TMEM87B: variants seen among roughly 807,000 people sequenced by gnomAD.
TMEM87B encodes transmembrane protein 87B.
A neutral mutation model predicts 80.3 loss-of-function variants in TMEM87B; 83 were observed. The observed-to-expected ratio is 1.03, with a 90% CI of 0.87 to 1.24. The LOEUF (loss-of-function observed/expected upper bound fraction) is 1.24, where lower values mean the gene tolerates loss of function less well. TMEM87B is among the 50% of genes most tolerant of loss of function. TMEM87B has a pLI of 0.00. For missense variants in TMEM87B, 625 were observed against 674.4 expected (o/e 0.93, Z 0.81); for synonymous variants, 219 against 230.5 (o/e 0.95, Z 0.45).
chr2:112,065,348 C>T (rs1678392549), intron 3 of TMEM87B, among the ~76,000 whole-genome samples: 1 of 151,752 alleles, frequency 6.6e-6, no homozygotes, highest in Non-Finnish European at 1.5e-5. Flanking sequence ...ATATATAAAC[C>T]TTATTAAAAT....
chr2:112,106,090 T>C lies in TMEM87B; in HGVS notation c.1524+15T>C. 2.0e-6 allele frequency: 3 copies of C among 1,506,690 alleles called. No homozygotes were observed. Among genetic ancestry groups the C allele is most frequent in the East Asian group, 2.4e-5 (1 of 40,844 alleles). 93.3% of individuals were successfully genotyped at this position (1,506,690 alleles called of 1,614,324 possible). A position where few individuals can be genotyped will look rare whatever the true frequency, so the allele number is the denominator to read the frequency against. On this transcript the variant is annotated intron_variant, in intron 16 of 18. Coordinates refer to ENST00000283206, the MANE Select transcript of TMEM87B (RefSeq NM_032824.3). The stretch of plus-strand genomic sequence containing the variant: ...CTGAGAACTTTGTGAGTATGGTATA[T>C]ATTTAGTACAATCTTAGTCTTCCTT...
chr2:112,070,204 T>C (rs996268392), intron 4 of TMEM87B, among the ~76,000 whole-genome samples: 1 of 152,232 alleles, frequency 6.6e-6, no homozygotes, highest in Non-Finnish European at 1.5e-5. Context: ...ATTTTTGCTT[T>C]TGTTGCAATT....
chr2:112,076,849 TG>T (rs1678833629), intron 5 of TMEM87B, among the ~76,000 whole-genome samples: 2 of 14,890 alleles, frequency 1.3e-4, no homozygotes, highest in Admixed American at 1.0e-3. Flanking sequence ...GTTTTGTGTG[TG>T]TGTGTGTGTG....
At chr2:112,086,133 G>A (rs1392688393) in intron 9 of TMEM87B, 29 bp downstream of exon 9, 1 of 1,575,116 alleles carries the variant, frequency 6.3e-7, no homozygotes, top group South Asian at 1.1e-5. Flanking sequence ...GAAAAATGCT[G>A]GGTCCCAGCC....
At chr2:112,067,102 T>A in intron 4 of TMEM87B, 35 bp downstream of exon 4, 1 of 1,603,106 alleles carries the variant, frequency 6.2e-7, no homozygotes, top group South Asian at 1.1e-5. Flanking sequence ...AAGTTTATTT[T>A]ATTCCCAGTG....
intron 3 of TMEM87B, among the ~76,000 whole-genome samples, 172 bp downstream of exon 3, chr2:112,064,425 G>A (rs891900917): frequency 1.3e-5 from 2 of 152,218 alleles, no homozygotes; most frequent in African/African-American, 2.4e-5. Flanking sequence ...AGAATACTAC[G>A]AGCTTTTAGT....
rs1680091300 is a variant in TMEM87B, at chr2:112,118,898, G to A, written c.*2755G>A. 6.6e-6 allele frequency: 1 copy of A among 152,054 alleles called. No individual in the cohort carries two copies. The highest frequency in any genetic ancestry group is 2.1e-4 in the South Asian group (1 of 4,824). 9.4% of individuals were successfully genotyped at this position (152,054 alleles called of 1,614,324 possible). ...TGCTATGCTAGATTTATAATCACTA[G>A]TTCTGGTACTTGTGTCTTTGTATGA... is the stretch of plus-strand genomic sequence containing the variant. On this transcript the variant is annotated 3_prime_UTR_variant, in exon 19 of 19. Transcript: ENST00000283206.
chr2:112,096,841 A>G (rs185144319), intron 11 of TMEM87B, among the ~76,000 whole-genome samples: 47 of 152,364 alleles, frequency 3.1e-4, no homozygotes, highest in African/African-American at 1.1e-3. Flanking sequence ...AGTTCAGACA[A>G]TGGTAAATTG....
intron 5 of TMEM87B, among the ~76,000 whole-genome samples, chr2:112,075,721 A>G (rs1400564808): frequency 1.3e-5 from 2 of 152,068 alleles, no homozygotes; most frequent in East Asian, 3.9e-4. Flanking sequence ...CAGGTTTGGG[A>G]GAGCTTAATG....
chr2:112,100,542 A>G (rs1679600730), intron 14 of TMEM87B, 80 bp from the exon 15 acceptor site: 3 of 849,746 alleles, frequency 3.5e-6, no homozygotes, highest in South Asian at 1.8e-5. Flanking sequence ...TAGATTTTTT[A>G]TACAATGGCT....
At chr2:112,065,165 A>G (rs1334102095) in intron 3 of TMEM87B, among the ~76,000 whole-genome samples, 1 of 152,070 alleles carries the variant, frequency 6.6e-6, no homozygotes, top group Non-Finnish European at 1.5e-5. Context: ...TTATATTTCT[A>G]TTTGGATTGA....
intron 9 of TMEM87B, among the ~76,000 whole-genome samples, chr2:112,088,223 G>A (rs1256746533): frequency 6.6e-6 from 1 of 152,218 alleles, no homozygotes; most frequent in Non-Finnish European, 1.5e-5. Context: ...AGGAAATGAA[G>A]GCCTCTTGTT....
At chr2:112,062,926 C>G (rs1349046007) in intron 2 of TMEM87B, among the ~76,000 whole-genome samples, 1 of 152,198 alleles carries the variant, frequency 6.6e-6, no homozygotes, top group Non-Finnish European at 1.5e-5. Context: ...TATGCATGGG[C>G]AGGCTGCCCT....
intron 6 of TMEM87B, 32 bp downstream of exon 6, chr2:112,077,314 T>C: frequency 8.3e-7 from 1 of 1,208,488 alleles, no homozygotes; most frequent in Non-Finnish European, 1.2e-6. Context: ...GTTTACTGTC[T>C]GCATTTTCTG....
chr2:112,077,349 T>G, intron 6 of TMEM87B, 67 bp downstream of exon 6: 1 of 737,244 alleles, frequency 1.4e-6, no homozygotes, highest in Non-Finnish European at 2.2e-6. Flanking sequence ...GTCACTGACC[T>G]GAGTCAACAT....
chr2:112,095,447 CA>C, intron 11 of TMEM87B: 1 of 981,974 alleles, frequency 1.0e-6, no homozygotes, highest in Non-Finnish European at 1.2e-6. Context: ...TAGGCAATTT[CA>C]AATTTACTTT....
chr2:112,117,062 A>G lies in TMEM87B; in HGVS notation c.*919A>G, dbSNP rs1680044446. On this transcript the variant is annotated 3_prime_UTR_variant, in exon 19 of 19. Coordinates refer to ENST00000283206, the MANE Select transcript of TMEM87B (RefSeq NM_032824.3). ...ACATTTAGTTGCATGCTACATCACT[A>G]TTGATTTTATAATTAATTTCTTAAG... The G allele has an allele frequency of 6.6e-6, 1 of 152,288 alleles. No individual in the cohort carries two copies. Among genetic ancestry groups the G allele is most frequent in the African/African-American group, 2.4e-5 (1 of 41,462 alleles). The allele number at this position is 152,288 out of a possible 1,614,324, so 9.4% of individuals were successfully genotyped here. A position where few individuals can be genotyped will look rare whatever the true frequency, so the allele number is the denominator to read the frequency against.
At chr2:112,089,499 G>A (rs1679239127) in intron 9 of TMEM87B, 126 bp from the exon 10 acceptor site, 10 of 804,520 alleles carry the variant, frequency 1.2e-5, no homozygotes, top group East Asian at 5.3e-5. Flanking sequence ...CCTCAGAGCC[G>A]GGAACAGACT....
chr2:112,067,260 T>A (rs567656407), intron 4 of TMEM87B, among the ~76,000 whole-genome samples, 193 bp downstream of exon 4: 2 of 152,336 alleles, frequency 1.3e-5, no homozygotes, highest in African/African-American at 4.8e-5. Context: ...ATAAAGGTGG[T>A]TAACTTGTAA....
Sources: gnomAD v4.1 joint callset for allele counts (sites outside exome capture counted in the v4.1 genomes callset) on GRCh38, gnomAD v4.1.1 for gene constraint, MANE v1.5 for transcripts, NCBI Gene and HGNC (gene_info 2026-07-23, HGNC 2026-07-21) for gene names.